The following CLEC1B variants were observed in gnomAD, a reference collection of about 807,000 sequenced individuals.
The protein encoded by CLEC1B is C-type lectin domain family 1 member B, also known as C-type lectin-like receptor 2.
Under a neutral mutation model 26.7 loss-of-function variants are expected in CLEC1B, and 26 were observed. The observed-to-expected ratio is 0.97, with a 90% confidence interval of 0.71 to 1.35. CLEC1B has a LOEUF of 1.35. Ranked by LOEUF, CLEC1B falls within the 40% of genes most tolerant of loss-of-function variation. The pLI is 0.00. For synonymous variants in CLEC1B, 112 were observed against 96.0 expected (o/e 1.17, Z -0.97); for missense variants, 293 against 282.6 (o/e 1.04, Z -0.26).
chr12:9,997,323 T>C (rs745864498), intron 2 of CLEC1B, 44 bp from the exon 3 acceptor site: 55 of 1,552,914 alleles, frequency 3.5e-5, no homozygotes, highest in African/African-American at 2.3e-4. Context: ...ATTAGAACCA[T>C]AGAAATGATG....
intron 5 of CLEC1B, 44 bp downstream of exon 5, chr12:9,995,094 AAG>A: frequency 1.2e-6 from 2 of 1,604,930 alleles, no homozygotes; most frequent in Non-Finnish European, 1.7e-6. Context: ...TCTCAAGAAT[AAG>A]AGTTTCCAGT....
chr12:9,994,361 G>T (rs1378630986), intron 5 of CLEC1B, among the ~76,000 whole-genome samples: 2 of 152,100 alleles, frequency 1.3e-5, no homozygotes, highest in African/African-American at 4.8e-5. Flanking sequence ...GCTTGTAGTT[G>T]TAGTATCCTA....
upstream of CLEC1B, chr12:9,999,223 T>G (rs1348623499): frequency 3.3e-6 from 2 of 605,220 alleles, no homozygotes; most frequent in African/African-American, 1.9e-5. Flanking sequence ...TAGAACCATG[T>G]GAGATGGGAC....
chr12:9,993,353 C>T (rs17734335), intron 5 of CLEC1B, 66 bp from the exon 6 acceptor site: 41,152 of 1,246,914 alleles, frequency 0.033, 749 homozygotes, highest in Non-Finnish European at 0.039. Flanking sequence ...TCAGACTCTG[C>T]GTATAGTAGT....
At chr12:9,995,461 A>T (rs1359398554) in intron 4 of CLEC1B, 5 of 492,626 alleles carry the variant, frequency 1.0e-5, no homozygotes, top group Non-Finnish European at 1.5e-5. Flanking sequence ...TGTACACAAA[A>T]TAGCTGATAT....
chr12:9,996,865 A>G lies in CLEC1B; in HGVS notation c.419T>C (p.Ile140Thr), dbSNP rs377295548. The G allele has an allele frequency of 2.7e-5, 44 of 1,614,090 alleles. No homozygotes were observed. In the African/African-American group the frequency reaches 4.3e-4, roughly 16 times the overall value. Residue 140 changes from isoleucine (I) to threonine (T), a missense_variant, in exon 4 of 6, where the codon ATT becomes ACT. Ile to Thr is a moderately conservative substitution (Grantham distance 89). Coordinates refer to ENST00000298527, the MANE Select transcript of CLEC1B (RefSeq NM_016509.4). ...CTDMNATLLK[I>T]DNRNIVEYIK... is the part of the protein sequence containing the mutation. ...TCTTACCACAATGTTCCGGTTGTCAATCTTCAGGAGAGTAGCATTCATGTC... is the reference window on the plus strand; with the variant it reads ...TCTTACCACAATGTTCCGGTTGTCAGTCTTCAGGAGAGTAGCATTCATGTC...
intron 5 of CLEC1B, 68 bp from the exon 6 acceptor site, chr12:9,993,355 T>A: frequency 7.4e-7 from 1 of 1,347,432 alleles, no homozygotes; most frequent in Non-Finnish European, 1.1e-6. Flanking sequence ...AGACTCTGCG[T>A]ATAGTAGTTT....
intron 5 of CLEC1B, among the ~76,000 whole-genome samples, chr12:9,993,587 A>C (rs1357208175): frequency 6.6e-6 from 1 of 152,114 alleles, no homozygotes; most frequent in Non-Finnish European, 1.5e-5. Flanking sequence ...GGGAAAACGC[A>C]TTATCTACAA....
chr12:9,993,316 T>C, intron 5 of CLEC1B, 29 bp from the exon 6 acceptor site: 1 of 1,604,550 alleles, frequency 6.2e-7, no homozygotes, highest in Non-Finnish European at 8.5e-7. Context: ...AATAAATTCC[T>C]TTGAAAACTG....
At chr12:9,993,950 C>T (rs187284641) in intron 5 of CLEC1B, among the ~76,000 whole-genome samples, 1 of 152,154 alleles carries the variant, frequency 6.6e-6, no homozygotes, top group African/African-American at 2.4e-5. Context: ...AAGCTAATGT[C>T]TTTCTTGTTG....
At chr12:9,997,778 C>G (rs1865088409) in intron 2 of CLEC1B, among the ~76,000 whole-genome samples, 1 of 151,960 alleles carries the variant, frequency 6.6e-6, no homozygotes, top group Admixed American at 6.6e-5. Flanking sequence ...CACAAACAAG[C>G]AACAACTACA....
chr12:9,999,269 G>A (rs1865126746), upstream of CLEC1B: 1 of 500,638 alleles, frequency 2.0e-6, no homozygotes, highest in Admixed American at 3.4e-5. Context: ...TTTCCAGGAA[G>A]CTTCTTCATA....
intron 4 of CLEC1B, among the ~76,000 whole-genome samples, chr12:9,995,951 T>C (rs1865034795): frequency 6.6e-6 from 1 of 152,198 alleles, no homozygotes; most frequent in African/African-American, 2.4e-5. Context: ...TTTCAGCACA[T>C]AGTTGCTGAA....
upstream of CLEC1B, among the ~76,000 whole-genome samples, chr12:10,000,571 C>T (rs998726175): frequency 6.6e-6 from 1 of 152,004 alleles, no homozygotes; most frequent in Admixed American, 6.5e-5. Context: ...ACATTAAATC[C>T]CAACACCATT....
chr12:9,999,116 G>A lies in CLEC1B; in HGVS notation c.-16C>T, dbSNP rs76016091. 0.033 allele frequency: 52,918 copies of A among 1,580,390 alleles called. 1,068 individuals carry two copies. Among genetic ancestry groups the A allele is most frequent in the Non-Finnish European group, 0.037 (42,415 of 1,155,856 alleles). Reference sequence around the variant, plus strand: ...CATCCTGCATGGCTTCCCGAGTACTGCAACTGAGCTCAGAGTTCAATGACT... The same window carrying A: ...CATCCTGCATGGCTTCCCGAGTACTACAACTGAGCTCAGAGTTCAATGACT... On this transcript the variant is annotated 5_prime_UTR_variant, in exon 1 of 6. Coordinates refer to ENST00000298527, the MANE Select transcript of CLEC1B (RefSeq NM_016509.4).
intron 4 of CLEC1B, 55 bp downstream of exon 4, chr12:9,996,791 C>T: frequency 1.3e-6 from 2 of 1,580,330 alleles, no homozygotes; most frequent in Non-Finnish European, 1.7e-6. Context: ...TCAAGTGTTA[C>T]ATTTGAGGTT....
intron 1 of CLEC1B, 55 bp from the exon 2 acceptor site, chr12:9,998,435 G>A: frequency 7.3e-7 from 1 of 1,365,100 alleles, no homozygotes; most frequent in Non-Finnish European, 1.0e-6. Flanking sequence ...TAGCTATGGG[G>A]AAGGCTCACC....
chr12:9,998,967 G>A (rs1865119788), intron 1 of CLEC1B, 70 bp downstream of exon 1: 8 of 910,962 alleles, frequency 8.8e-6, no homozygotes, highest in Non-Finnish European at 1.4e-5. Context: ...ATCAATAGTA[G>A]AAAAAGAAAG....
chr12:9,995,120 C>G lies in CLEC1B; in HGVS notation c.545+20G>C. 1.9e-6 allele frequency: 3 copies of G among 1,610,034 alleles called. No individual in the cohort carries two copies. The highest frequency in any genetic ancestry group is 2.5e-6 in the Non-Finnish European group (3 of 1,176,770). ...AGAGTTTCCAGTACTCCCTCCTATT[C>G]TAAGTGTCCAGTGACTTACATATTT... On this transcript the variant is annotated intron_variant, in intron 5 of 5. Coordinates refer to ENST00000298527, the MANE Select transcript of CLEC1B (RefSeq NM_016509.4).
Sources: allele counts gnomAD v4.1 joint callset (sites outside exome capture counted in the v4.1 genomes callset), GRCh38; gene constraint gnomAD v4.1.1; transcripts MANE v1.5; gene names NCBI Gene and HGNC (gene_info 2026-07-23, HGNC 2026-07-21).